The following FEZ2 variants were observed in gnomAD, a reference collection of about 807,000 sequenced individuals.
The protein encoded by FEZ2 is fasciculation and elongation protein zeta-2.
Under a neutral mutation model 40.4 loss-of-function variants are expected in FEZ2, and 51 were observed. That is an observed-to-expected ratio of 1.26 (90% CI 1.01 to 1.59). The LOEUF is 1.59. Among genes scored for constraint, FEZ2 ranks in the 40% most tolerant of loss-of-function variants. The probability of loss-of-function intolerance (pLI) is 0.00; values close to 1 mark genes in which losing one functional copy is unlikely to be tolerated. For missense variants in FEZ2, 640 were observed against 438.3 expected (o/e 1.46, Z -4.11); for synonymous variants, 242 against 172.0 (o/e 1.41, Z -3.18).
intron 2 of FEZ2, among the ~76,000 whole-genome samples, chr2:36,586,798 T>C (rs1215789776): frequency 1.3e-5 from 2 of 152,122 alleles, no homozygotes; most frequent in African/African-American, 4.8e-5. Flanking sequence ...TTTCTTAAAA[T>C]TAGCCAGGCA....
intron 2 of FEZ2, 84 bp from the exon 3 acceptor site, chr2:36,583,553 G>A (rs916141174): frequency 1.4e-6 from 1 of 735,606 alleles, no homozygotes; most frequent in African/African-American, 1.7e-5. Context: ...AGGCTGCAGA[G>A]AAAAGCAACT....
intron 5 of FEZ2, among the ~76,000 whole-genome samples, chr2:36,573,602 G>A (rs1668481731): frequency 6.6e-6 from 1 of 152,248 alleles, no homozygotes; most frequent in Non-Finnish European, 1.5e-5. Flanking sequence ...ATTAGGTGAG[G>A]TGCTGGGAAA....
chr2:36,591,054 G>C, intron 1 of FEZ2, 43 bp from the exon 2 acceptor site: 1 of 1,193,240 alleles, frequency 8.4e-7, no homozygotes, highest in African/African-American at 1.5e-5. Context: ...TTAACATTCT[G>C]TATGTCTTTC....
chr2:36,580,671 T>C (rs934062881), intron 4 of FEZ2, among the ~76,000 whole-genome samples: 4 of 152,242 alleles, frequency 2.6e-5, no homozygotes, highest in Non-Finnish European at 5.9e-5. Flanking sequence ...TTACTGAATA[T>C]CTATTCTACA....
intron 6 of FEZ2, chr2:36,557,714 T>G (rs1472148849): frequency 6.6e-6 from 1 of 152,140 alleles, no homozygotes; most frequent in Admixed American, 6.5e-5. Context: ...TCCTAGTTTT[T>G]CAATGTAAGC....
chr2:36,555,774 G>C, intron 6 of FEZ2, 26 bp from the exon 7 acceptor site: 1 of 1,388,272 alleles, frequency 7.2e-7, no homozygotes, highest in African/African-American at 1.5e-5. Flanking sequence ...GGGGAAAAAA[G>C]ACAACAATTA....
chr2:36,576,639 T>C (rs1483631114), intron 5 of FEZ2, among the ~76,000 whole-genome samples: 1 of 152,238 alleles, frequency 6.6e-6, no homozygotes, highest in Admixed American at 6.5e-5. Flanking sequence ...ACTGAACTGA[T>C]TAAAATTTTT....
At chr2:36,585,546 T>C (rs759089783) in intron 2 of FEZ2, among the ~76,000 whole-genome samples, 19 of 152,178 alleles carry the variant, frequency 1.2e-4, no homozygotes, top group Non-Finnish European at 2.6e-4. Flanking sequence ...GATTACCTAG[T>C]GCGGTCCATT....
In FEZ2 at chr2:36,553,131, G is replaced by C. The variant is rs910048341; in HGVS notation, c.*32C>G. 2.6e-6 allele frequency: 4 copies of C among 1,556,436 alleles called. No individual in the cohort carries two copies. In the South Asian group the frequency reaches 3.5e-5, roughly 14 times the overall value. On this transcript the variant is annotated 3_prime_UTR_variant, in exon 8 of 8. Coordinates refer to ENST00000405912, the MANE Select transcript of FEZ2 (RefSeq NM_005102.3). ...TCAGAATAATGCTGTCGGAAATCTA[G>C]CTTGGAGCCCACCGCAGATAAAGTT...
chr2:36,578,852 G>C lies in FEZ2; in HGVS notation c.648C>G (p.Leu216=), dbSNP rs747735083. 11 of 1,609,996 alleles carry C rather than the reference G, an allele frequency of 6.8e-6. No homozygotes were observed. Among genetic ancestry groups the C allele is most frequent in the East Asian group, 4.5e-5 (2 of 44,862 alleles). The part of the protein sequence containing the change: ...TGSYEERVKR[L]SVSELNEILE... Reference sequence around the variant, plus strand: ...GGATTTCATTTAACTCAGACACTGAGAGCCTTTTCACTCCTGTGACCAAAA... The same window carrying C: ...GGATTTCATTTAACTCAGACACTGACAGCCTTTTCACTCCTGTGACCAAAA... The change falls in exon 5 of 8, where the codon CTC becomes CTG. Residue 216 remains leucine, a synonymous_variant. Transcript: ENST00000405912.
intron 2 of FEZ2, among the ~76,000 whole-genome samples, chr2:36,584,779 A>G (rs988007485): frequency 6.6e-6 from 1 of 152,224 alleles, no homozygotes; most frequent in African/African-American, 2.4e-5. Context: ...CTGCTTCCCT[A>G]GTTCTTCATA....
intron 5 of FEZ2, among the ~76,000 whole-genome samples, chr2:36,560,561 T>G (rs1311859607): frequency 6.6e-6 from 1 of 152,262 alleles, no homozygotes; most frequent in Non-Finnish European, 1.5e-5. Flanking sequence ...AAACACGTCT[T>G]AAGAATGCAT....
At chr2:36,578,546 A>G in intron 5 of FEZ2, 51 bp downstream of exon 5, 1 of 1,564,936 alleles carries the variant, frequency 6.4e-7, no homozygotes, top group Non-Finnish European at 8.6e-7. Flanking sequence ...GGCTGGGACT[A>G]CCACAGAACC....
intron 5 of FEZ2, among the ~76,000 whole-genome samples, chr2:36,568,526 C>A (rs1276471989): frequency 6.6e-6 from 1 of 152,118 alleles, no homozygotes; most frequent in African/African-American, 2.4e-5. Flanking sequence ...GGTGAAAATT[C>A]TGAATCTGAA....
intron 3 of FEZ2, among the ~76,000 whole-genome samples, chr2:36,582,468 G>C (rs1249192972): frequency 6.6e-6 from 1 of 152,158 alleles, no homozygotes; most frequent in African/African-American, 2.4e-5. Context: ...AAAAAAGGGA[G>C]AGTTTACGGT....
chr2:36,597,931 G>A lies in FEZ2; in HGVS notation c.212C>T (p.Pro71Leu). The A allele has an allele frequency of 7.0e-7, 1 of 1,438,016 alleles. No individual in the cohort carries two copies. The highest frequency in any genetic ancestry group is 9.1e-7 in the Non-Finnish European group (1 of 1,102,692). 89.1% of individuals were successfully genotyped at this position (1,438,016 alleles called of 1,614,324 possible). A position where few individuals can be genotyped will look rare whatever the true frequency, so the allele number is the denominator to read the frequency against. Residue 71 changes from proline to leucine, a missense_variant, in exon 1 of 8, where the codon CCC becomes CTC. Transcript: ENST00000405912. ...GATGGGCCGCACGGCCGTCCTCGGG[G>A]GCTCGGCGCCCGGATCCGAGGGGCG... ...CFRPSDPGAE[P>L]PRTAVRPITE...
At chr2:36,572,922 T>C (rs1668458368) in intron 5 of FEZ2, among the ~76,000 whole-genome samples, 1 of 152,130 alleles carries the variant, frequency 6.6e-6, no homozygotes, top group Non-Finnish European at 1.5e-5. Flanking sequence ...CTCTCCCCCA[T>C]CCTTCAGCAA....
At chr2:36,578,928 A>G in intron 4 of FEZ2, 63 bp from the exon 5 acceptor site, 1 of 1,383,226 alleles carries the variant, frequency 7.2e-7, no homozygotes, top group Non-Finnish European at 1.0e-6. Flanking sequence ...AGCAAAACAG[A>G]GTAGTCACTA....
chr2:36,565,771 C>T (rs890264808), intron 5 of FEZ2, among the ~76,000 whole-genome samples: 2 of 152,170 alleles, frequency 1.3e-5, no homozygotes, highest in African/African-American at 4.8e-5. Flanking sequence ...ACACTACTGA[C>T]ATTTCCAGTC....
Sources: gnomAD v4.1 joint callset for allele counts (sites outside exome capture counted in the v4.1 genomes callset) on GRCh38, gnomAD v4.1.1 for gene constraint, MANE v1.5 for transcripts, NCBI Gene and HGNC (gene_info 2026-07-23, HGNC 2026-07-21) for gene names.